Variants in DMD observed in about 807,000 individuals in gnomAD.
The protein encoded by DMD is mutant dystrophin.
Under a neutral mutation model 330.1 loss-of-function variants are expected in DMD, and 63 were observed. The ratio of observed to expected loss-of-function variants is 0.19; its 90% confidence interval spans 0.16 to 0.24. DMD has a LOEUF of 0.24. DMD is among the 10% of genes least tolerant of loss of function. The probability of loss-of-function intolerance (pLI) is 1.00; values close to 1 mark genes in which losing one functional copy is unlikely to be tolerated. For missense variants in DMD, 3,344 were observed against 2,684.1 expected (o/e 1.25, Z -5.43); for synonymous variants, 1,223 against 959.8 (o/e 1.27, Z -5.07).
intron 1 of DMD, among the ~76,000 whole-genome samples, chrX:33,157,231 G>A (rs2048548269): frequency 9.0e-6 from 1 of 111,261 alleles, no homozygotes; most frequent in Non-Finnish European, 1.9e-5. Flanking sequence ...GAGAGAGTCT[G>A]TTCCGTGCCT....
intron 9 of DMD, among the ~76,000 whole-genome samples, chrX:32,692,033 C>T (rs184235448): frequency 1.8e-5 from 2 of 111,243 alleles, no homozygotes; most frequent in East Asian, 5.7e-4. Flanking sequence ...TGCTAATTAA[C>T]GAAGGTTCAG....
rs776401101 is a variant in DMD, at chrX:32,304,255, G to A, written c.6117+5827C>T. 2.7e-5 allele frequency among the ~76,000 whole-genome samples: 3 copies of A among 111,549 alleles called. No homozygotes were observed. The South Asian group carries it at 1.1e-3, about 41-fold the overall frequency. On this transcript the variant is annotated intron_variant, in intron 42 of 78. Transcript: ENST00000357033. ...TTTCTACCAGCCTCATGATTTGTAA[G>A]TTTTAATATGGAAGTTTCTGCTTTC...
chrX:32,874,588 T>C (rs762109652), intron 2 of DMD, among the ~76,000 whole-genome samples: 6 of 111,468 alleles, frequency 5.4e-5, no homozygotes, highest in Non-Finnish European at 1.1e-4. Context: ...GGACTAGAAA[T>C]GGCCACAAAA....
At chrX:32,489,800 A>C (rs1225988019) in intron 20 of DMD, among the ~76,000 whole-genome samples, 1 of 112,033 alleles carries the variant, frequency 8.9e-6, no homozygotes, top group Non-Finnish European at 1.9e-5. Flanking sequence ...TGTGGCAAGA[A>C]ATAATGTATT....
At chrX:32,644,816 T>G (rs985109870) in intron 10 of DMD, 148 bp downstream of exon 10, 39 of 721,718 alleles carry the variant, frequency 5.4e-5, no homozygotes, top group Non-Finnish European at 7.6e-5. Flanking sequence ...AAAAGAAAAC[T>G]TCAAAATCTG....
chrX:32,229,286 C>A (rs2097159174), intron 43 of DMD, among the ~76,000 whole-genome samples: 1 of 110,333 alleles, frequency 9.1e-6, no homozygotes, highest in South Asian at 3.8e-4. Flanking sequence ...AACCTCCTTT[C>A]TAAGCAGCAT....
At chrX:32,725,010 A>C (rs1047566293) in intron 7 of DMD, among the ~76,000 whole-genome samples, 1 of 111,642 alleles carries the variant, frequency 9.0e-6, no homozygotes, top group African/African-American at 3.2e-5. Flanking sequence ...CTCAAGTACA[A>C]CACCTTAGCC....
At chrX:32,910,397 C>T (rs773836844) in intron 2 of DMD, among the ~76,000 whole-genome samples, 1 of 111,555 alleles carries the variant, frequency 9.0e-6, no homozygotes, top group South Asian at 3.8e-4. Flanking sequence ...ATCCCAGGTA[C>T]ATGTGGATGT....
intron 7 of DMD, among the ~76,000 whole-genome samples, chrX:32,723,700 G>A (rs111611334): frequency 0.014 from 1,586 of 110,898 alleles, 31 homozygotes; most frequent in African/African-American, 0.048. Context: ...GAAGATAATG[G>A]ATAGGATAAT....
At chrX:31,992,882 G>A (rs958668139) in intron 44 of DMD, among the ~76,000 whole-genome samples, 5 of 111,903 alleles carry the variant, frequency 4.5e-5, no homozygotes, top group Non-Finnish European at 9.4e-5. Flanking sequence ...TCTTGGGAGA[G>A]TGTAGAAAGT....
At chrX:31,400,201 C>G (rs1377767207) in intron 60 of DMD, among the ~76,000 whole-genome samples, 2 of 111,328 alleles carry the variant, frequency 1.8e-5, no homozygotes, top group Non-Finnish European at 3.8e-5. Flanking sequence ...AACCTGTCTC[C>G]CATTCTATTC....
intron 7 of DMD, among the ~76,000 whole-genome samples, chrX:32,793,613 T>C (rs1422197176): frequency 9.0e-6 from 1 of 110,761 alleles, no homozygotes; most frequent in African/African-American, 3.3e-5. Flanking sequence ...AATAAAAAGT[T>C]CAGAGACTAT....
intron 60 of DMD, among the ~76,000 whole-genome samples, chrX:31,403,309 G>C (rs73468357): frequency 0.019 from 2,159 of 111,750 alleles, 40 homozygotes; most frequent in East Asian, 0.093. Context: ...TTTCTGATGA[G>C]AGCATGTAGT....
chrX:32,476,078 T>C (rs1401212145), intron 21 of DMD, among the ~76,000 whole-genome samples: 1 of 111,512 alleles, frequency 9.0e-6, no homozygotes, highest in African/African-American at 3.3e-5. Flanking sequence ...GCAAATGATC[T>C]AGAAGGAGAG....
intron 7 of DMD, among the ~76,000 whole-genome samples, chrX:32,742,276 A>G (rs1191480401): frequency 8.9e-6 from 1 of 112,173 alleles, no homozygotes; most frequent in Non-Finnish European, 1.9e-5. Flanking sequence ...TGATGTGTTT[A>G]TTCCGTTCTA....
intron 44 of DMD, among the ~76,000 whole-genome samples, chrX:32,009,891 A>G (rs7056542): frequency 0.018 from 2,059 of 112,225 alleles, 40 homozygotes; most frequent in African/African-American, 0.063. Context: ...ATCCAGCTCA[A>G]CTAGGTAGGT....
intron 17 of DMD, among the ~76,000 whole-genome samples, chrX:32,520,488 G>A (rs145744319): frequency 1.3e-3 from 150 of 111,771 alleles, no homozygotes; most frequent in African/African-American, 4.7e-3. Flanking sequence ...CAGAGAAGGA[G>A]TGCTGGAATG....
intron 55 of DMD, among the ~76,000 whole-genome samples, chrX:31,557,426 T>C (rs1237540714): frequency 9.0e-6 from 1 of 111,638 alleles, no homozygotes; most frequent in Non-Finnish European, 1.9e-5. Context: ...AGGGCAACAT[T>C]GGAAACAGAG....
chrX:32,830,581 C>T (rs1343036402), intron 4 of DMD, among the ~76,000 whole-genome samples: 1 of 110,628 alleles, frequency 9.0e-6, no homozygotes, highest in Non-Finnish European at 1.9e-5. Flanking sequence ...ACAATGAAAA[C>T]ATCTGATACC....
Sources: gnomAD v4.1 joint callset for allele counts (sites outside exome capture counted in the v4.1 genomes callset) on GRCh38, gnomAD v4.1.1 for gene constraint, MANE v1.5 for transcripts, NCBI Gene and HGNC (gene_info 2026-07-23, HGNC 2026-07-21) for gene names.